The following PEMT variants were observed in gnomAD, a reference collection of about 807,000 sequenced individuals.
PEMT encodes the protein phosphatidylethanolamine N-methyltransferase, also known as phospholipid methyltransferase.
Under a neutral mutation model 27.4 loss-of-function variants are expected in PEMT, and 23 were observed. The ratio of observed to expected loss-of-function variants is 0.84; its 90% confidence interval spans 0.60 to 1.19. The LOEUF is 1.19. Among genes scored for constraint, PEMT ranks in the 50% most tolerant of loss-of-function variants. PEMT has a pLI of 0.00. For missense variants in PEMT, 307 were observed against 310.1 expected, an observed-to-expected ratio of 0.99 and a Z score of 0.07; for synonymous variants, 137 against 139.1, an observed-to-expected ratio of 0.98 and a Z score of 0.11.
intron 1 of PEMT, among the ~76,000 whole-genome samples, chr17:17,577,941 T>C (rs1325572489): frequency 4.2e-5 from 6 of 143,868 alleles, no homozygotes; most frequent in South Asian, 2.2e-4. Flanking sequence ...GGCATGAACC[T>C]GGGAGGCGGA....
At position 17,577,674 on chromosome 17, in the gene PEMT, A is replaced by T. The variant is rs370273193; in HGVS notation, c.97-647T>A. 5.3e-5 allele frequency among the ~76,000 whole-genome samples: 8 copies of T among 151,978 alleles called. No homozygotes were observed. In the East Asian group the frequency reaches 1.4e-3, roughly 26 times the overall value. ...CAGCAACCAAAGAAATGAAGAAAAA[A>T]AAAAAAAACCCACGGCCCATTCCTA... On this transcript the variant is annotated intron_variant, in intron 1 of 6. Transcript: ENST00000255389.
chr17:17,547,567 T>A lies in PEMT; in HGVS notation c.205-25172A>T, dbSNP rs562439485. ...AAGGGCCTTCCAGGCAGAGAAGCATTGTGTGCAAAAGTCCCAAGTTCAGCC... is the reference window on the plus strand; with the variant it reads ...AAGGGCCTTCCAGGCAGAGAAGCATAGTGTGCAAAAGTCCCAAGTTCAGCC... On this transcript the variant is annotated intron_variant, in intron 2 of 6. Coordinates refer to ENST00000255389, the MANE Select transcript of PEMT (RefSeq NM_148172.3). Among the ~76,000 whole-genome samples the A allele has an allele frequency of 1.2e-4, 18 of 152,226 alleles. No individual in the cohort carries two copies. In the South Asian group the frequency reaches 3.7e-3, roughly 32 times the overall value.
In PEMT at chr17:17,522,286, G is replaced by T; in HGVS notation, c.314C>A (p.Ser105Ter). ...VTILLLNFLRSHCFTQAMLSQ... is the reference protein window; with the variant it reads ...VTILLLNFLR ...GTGAGAGAGCTGTGCTTACCAGTGC[G>T]AGCGCAGGAAGTTCAGGAGCAGGAT... is the stretch of plus-strand genomic sequence containing the variant. Residue 105 changes from serine (S) to a stop codon, truncating the protein, a stop_gained, in exon 3 of 7, where the codon TCG becomes TAG. Coordinates refer to ENST00000255389, the MANE Select transcript of PEMT (RefSeq NM_148172.3). LOFTEE classifies it high-confidence loss of function. The T allele has an allele frequency of 6.2e-7, 1 of 1,610,134 alleles. No individual in the cohort carries two copies. The highest frequency in any genetic ancestry group is 1.1e-5 in the South Asian group (1 of 91,016).
rs764867444 is a variant in PEMT at position 17,522,303 on chromosome 17, G to C, written c.297C>G (p.Leu99=). Reference sequence around the variant, plus strand: ...ACCAGTGCGAGCGCAGGAAGTTCAGGAGCAGGATGGTGACGCTTAGAGAGT... The same window carrying C: ...ACCAGTGCGAGCGCAGGAAGTTCAGCAGCAGGATGGTGACGCTTAGAGAGT... ...ACYSLSVTIL[L]LNFLRSHCFT... Residue 99 remains leucine (L), a synonymous_variant, in exon 3 of 7, where the codon CTC becomes CTG. Transcript: ENST00000255389. The C allele has an allele frequency of 2.5e-6, 4 of 1,613,686 alleles. No individual in the cohort carries two copies. The South Asian group carries it at 4.4e-5, about 18-fold the overall frequency.
intron 2 of PEMT, among the ~76,000 whole-genome samples, chr17:17,546,545 C>T (rs1294954129): frequency 3.3e-5 from 5 of 152,196 alleles, no homozygotes; most frequent in Admixed American, 6.5e-5. Context: ...GATAAGGCCC[C>T]GGGAAGAAAA....
intron 2 of PEMT, among the ~76,000 whole-genome samples, chr17:17,543,821 C>T (rs1469021376): frequency 6.6e-6 from 1 of 152,204 alleles, no homozygotes; most frequent in Non-Finnish European, 1.5e-5. Context: ...CCTCAGCCTC[C>T]CAGAGTGTTG....
Position 17,580,522 on chromosome 17 carries a change from T to C in PEMT, c.97-3495A>G, listed in dbSNP as rs941796318. Among the ~76,000 whole-genome samples, 2 of 152,028 alleles carry C rather than the reference T, an allele frequency of 1.3e-5. 1 individual carries two copies. Among genetic ancestry groups the C allele is most frequent in the Admixed American group, 1.3e-4 (2 of 15,264 alleles). ...AAACACGCATCCAATTCCAAGGCCC[T>C]GTCCCTTGACAGCCTGGTGGGGGGA... is the stretch of plus-strand genomic sequence containing the variant. On this transcript the variant is annotated intron_variant, in intron 1 of 6. Coordinates refer to ENST00000255389, the MANE Select transcript of PEMT (RefSeq NM_148172.3).
intron 2 of PEMT, among the ~76,000 whole-genome samples, chr17:17,526,445 C>A (rs893148005): frequency 1.3e-5 from 2 of 152,246 alleles, no homozygotes; most frequent in East Asian, 3.8e-4. Context: ...TACCCCCCAC[C>A]CCGATCCCCG....
intron 1 of PEMT, among the ~76,000 whole-genome samples, chr17:17,589,604 G>A (rs1479411489): frequency 6.6e-6 from 1 of 152,034 alleles, no homozygotes; most frequent in African/African-American, 2.4e-5. Flanking sequence ...AGCAGCACAG[G>A]GCTAGCACCG....
At chr17:17,580,793 G>A (rs1006653652) in intron 1 of PEMT, among the ~76,000 whole-genome samples, 6 of 151,584 alleles carry the variant, frequency 4.0e-5, no homozygotes, top group Non-Finnish European at 5.9e-5. Context: ...CTGTTATTCC[G>A]CCTCTTACAC....
At chr17:17,575,781 A>G (rs998852398) in intron 2 of PEMT, among the ~76,000 whole-genome samples, 18 of 152,112 alleles carry the variant, frequency 1.2e-4, no homozygotes, top group Non-Finnish European at 8.8e-5. Context: ...CAGAGCATCC[A>G]TCCTCGGAGT....
Position 17,534,882 on chromosome 17 carries a change from T to G in PEMT, c.205-12487A>C, listed in dbSNP as rs1908346002. ...GGTGCACTTTGTTGTAAGTTGGTTA[T>G]TCCTCTATAAGGCTATTTTATTTTA... On this transcript the variant is annotated intron_variant, in intron 2 of 6. Coordinates refer to ENST00000255389, the MANE Select transcript of PEMT (RefSeq NM_148172.3). Among the ~76,000 whole-genome samples the G allele has an allele frequency of 5.9e-5, 9 of 151,646 alleles. 1 individual carries two copies. The South Asian group carries it at 1.7e-3, about 28-fold the overall frequency.
chr17:17,541,495 C>T (rs1459432154), intron 2 of PEMT, among the ~76,000 whole-genome samples: 1 of 152,236 alleles, frequency 6.6e-6, no homozygotes, highest in African/African-American at 2.4e-5. Context: ...AGCAGCGGGG[C>T]ATGGGCAGGC....
At chr17:17,536,272 G>T (rs745425245) in intron 2 of PEMT, among the ~76,000 whole-genome samples, 8 of 152,258 alleles carry the variant, frequency 5.3e-5, no homozygotes, top group Non-Finnish European at 1.0e-4. Context: ...CACACAGTGA[G>T]TAAATGGATT....
chr17:17,576,078 C>T (rs569063553), intron 2 of PEMT, among the ~76,000 whole-genome samples: 4 of 152,220 alleles, frequency 2.6e-5, no homozygotes, highest in African/African-American at 7.2e-5. Flanking sequence ...GCCCAACCCC[C>T]GCTGAGCCCC....
intron 2 of PEMT, among the ~76,000 whole-genome samples, chr17:17,569,608 T>G (rs145439352): frequency 1.4e-3 from 210 of 152,244 alleles, no homozygotes; most frequent in African/African-American, 4.8e-3. Flanking sequence ...CAGCTCCCCT[T>G]CAGGTTTACG....
chr17:17,564,123 G>C (rs1206297644), intron 2 of PEMT, among the ~76,000 whole-genome samples: 2 of 152,224 alleles, frequency 1.3e-5, no homozygotes, highest in African/African-American at 4.8e-5. Context: ...GTGGGTCAGG[G>C]GGAAGGAGAA....
At chr17:17,531,621 CAAAAAAAAAAAA>C (rs58165466) in intron 2 of PEMT, among the ~76,000 whole-genome samples, 8 of 62,410 alleles carry the variant, frequency 1.3e-4, no homozygotes, top group African/African-American at 3.4e-4. Flanking sequence ...CTATCATATG[CAAAAAAAAAAAA>C]AAAAAAAAAA....
intron 2 of PEMT, among the ~76,000 whole-genome samples, chr17:17,528,531 G>A (rs998531603): frequency 6.6e-6 from 1 of 152,246 alleles, no homozygotes. Flanking sequence ...AGCCAGGAAG[G>A]GAGGGGGCCA....
Sources: gnomAD v4.1 joint callset for allele counts (sites outside exome capture counted in the v4.1 genomes callset) on GRCh38, gnomAD v4.1.1 for gene constraint, MANE v1.5 for transcripts, NCBI Gene and HGNC (gene_info 2026-07-23, HGNC 2026-07-21) for gene names.